C1GALT1: variants seen among roughly 807,000 people sequenced by gnomAD.
C1GALT1 encodes the protein glycoprotein-N-acetylgalactosamine 3-beta-galactosyltransferase 1.
C1GALT1 carries 11 observed loss-of-function variants against 31.0 expected under a neutral mutation model. That is an observed-to-expected ratio of 0.36 (90% CI 0.22 to 0.59). The LOEUF (loss-of-function observed/expected upper bound fraction) is 0.59. Among genes scored for constraint, C1GALT1 ranks in the 20% least tolerant of loss-of-function variants. The pLI is 0.79. For synonymous variants in C1GALT1, 175 were observed against 143.6 expected (o/e 1.22, Z -1.56); for missense variants, 424 against 425.2 (o/e 1.00, Z 0.03).
chr7:7,240,042 C>T (rs1478395520), intron 3 of C1GALT1, among the ~76,000 whole-genome samples: 1 of 152,112 alleles, frequency 6.6e-6, no homozygotes, highest in Admixed American at 6.5e-5. Context: ...TTTCTGTGGA[C>T]CTAACGTATA....
At chr7:7,236,290 ATTAT>A (rs1444966812) in intron 2 of C1GALT1, among the ~76,000 whole-genome samples, 3 of 152,144 alleles carry the variant, frequency 2.0e-5, no homozygotes, top group African/African-American at 7.2e-5. Context: ...TGAATGAAAA[ATTAT>A]TTATCAAGTT....
In C1GALT1 at chr7:7,214,932, C is replaced by G. The variant is rs147991520; in HGVS notation, c.-17-19371C>G. ...CTACAAGATTTTGACCCTCCTTAAACTGCTCTCAAGATCAGGCTTAAGATA... is the reference window on the plus strand; with the variant it reads ...CTACAAGATTTTGACCCTCCTTAAAGTGCTCTCAAGATCAGGCTTAAGATA... On this transcript the variant is annotated intron_variant, in intron 1 of 3. Transcript: ENST00000436587. Among the ~76,000 whole-genome samples, 541 of 152,332 alleles carry G rather than the reference C, an allele frequency of 3.6e-3. 6 individuals carry two copies. The highest frequency in any genetic ancestry group is 0.013 in the African/African-American group (522 of 41,576).
intron 1 of C1GALT1, among the ~76,000 whole-genome samples, chr7:7,207,851 T>G (rs1781820863): frequency 6.6e-6 from 1 of 152,048 alleles, no homozygotes; most frequent in Non-Finnish European, 1.5e-5. Flanking sequence ...TTTGTACAAT[T>G]AAGGTATTTT....
intron 1 of C1GALT1, among the ~76,000 whole-genome samples, chr7:7,219,040 T>C (rs1274001432): frequency 2.6e-5 from 4 of 152,056 alleles, no homozygotes; most frequent in African/African-American, 4.8e-5. Context: ...GGTTTCACCA[T>C]GTTAGCCAGG....
At chr7:7,242,897 T>A (rs545202200) in intron 3 of C1GALT1, among the ~76,000 whole-genome samples, 1 of 152,264 alleles carries the variant, frequency 6.6e-6, no homozygotes, top group East Asian at 1.9e-4. Context: ...CATTGTCTCC[T>A]TTAAATAACC....
At chr7:7,195,412 C>G (rs1307307077) in intron 1 of C1GALT1, among the ~76,000 whole-genome samples, 1 of 152,118 alleles carries the variant, frequency 6.6e-6, no homozygotes, top group Non-Finnish European at 1.5e-5. Flanking sequence ...AAATTTCCAC[C>G]TTGATTTCAT....
chr7:7,237,248 T>C (rs13226799), intron 2 of C1GALT1, among the ~76,000 whole-genome samples: 11,909 of 152,300 alleles, frequency 0.078, 541 homozygotes, highest in East Asian at 0.17. Context: ...GAAGTACTCA[T>C]CTAGAATCTC....
intron 1 of C1GALT1, among the ~76,000 whole-genome samples, chr7:7,183,921 G>A (rs965256282): frequency 6.6e-6 from 1 of 152,172 alleles, no homozygotes; most frequent in African/African-American, 2.4e-5. Flanking sequence ...GTGTAAGGGA[G>A]AGAAATATGT....
chr7:7,199,639 G>C (rs1369377887), intron 1 of C1GALT1, among the ~76,000 whole-genome samples: 2 of 152,198 alleles, frequency 1.3e-5, no homozygotes, highest in Admixed American at 1.3e-4. Flanking sequence ...TGACAGTGGA[G>C]TGTTAAAGTC....
chr7:7,222,413 A>T (rs1782551618), intron 1 of C1GALT1, among the ~76,000 whole-genome samples: 1 of 151,952 alleles, frequency 6.6e-6, no homozygotes, highest in Admixed American at 6.5e-5. Flanking sequence ...ACAACATTTT[A>T]TTTTTTCTAT....
chr7:7,215,673 G>T (rs373831793), intron 1 of C1GALT1, among the ~76,000 whole-genome samples: 1 of 151,860 alleles, frequency 6.6e-6, no homozygotes, highest in South Asian at 2.1e-4. Context: ...CTATTTCTTT[G>T]CCTTCCCTAT....
At chr7:7,240,657 C>A (rs1375509879) in intron 3 of C1GALT1, among the ~76,000 whole-genome samples, 1 of 152,070 alleles carries the variant, frequency 6.6e-6, no homozygotes, top group Admixed American at 6.6e-5. Flanking sequence ...TCATAATTGG[C>A]AAATTTGTTC....
At chr7:7,159,253 C>G (rs1359003484) in intron 2 of C1GALT1, among the ~76,000 whole-genome samples, 1 of 152,060 alleles carries the variant, frequency 6.6e-6, no homozygotes, top group Admixed American at 6.6e-5. Context: ...GAGTTAAGTA[C>G]TTAATTTTTA....
intron 1 of C1GALT1, among the ~76,000 whole-genome samples, chr7:7,197,500 G>A (rs560209437): frequency 6.6e-6 from 1 of 152,156 alleles, no homozygotes; most frequent in South Asian, 2.1e-4. Context: ...TGTTTTTTTG[G>A]CTTAGGATTG....
At chr7:7,163,329 G>C (rs1562550949) in intron 2 of C1GALT1, among the ~76,000 whole-genome samples, 1 of 151,996 alleles carries the variant, frequency 6.6e-6, no homozygotes, top group Non-Finnish European at 1.5e-5. Context: ...AATAATAAGA[G>C]CTATCTATGA....
intron 1 of C1GALT1, among the ~76,000 whole-genome samples, chr7:7,185,859 AT>A (rs1780789195): frequency 6.6e-6 from 1 of 152,262 alleles, no homozygotes; most frequent in Admixed American, 6.5e-5. Context: ...AATGTTTAGC[AT>A]TATAGACTGA....
At chr7:7,168,959 C>A (rs986380107) in intron 2 of C1GALT1, among the ~76,000 whole-genome samples, 1 of 152,152 alleles carries the variant, frequency 6.6e-6, no homozygotes, top group Admixed American at 6.6e-5. Context: ...GCAAACACCA[C>A]CACTATCTGT....
intron 3 of C1GALT1, among the ~76,000 whole-genome samples, chr7:7,239,444 G>A (rs1783523269): frequency 6.6e-6 from 1 of 152,142 alleles, no homozygotes; most frequent in Non-Finnish European, 1.5e-5. Flanking sequence ...GTCATCAGGA[G>A]GATTTAATGG....
chr7:7,221,691 A>G (rs1470712673), intron 1 of C1GALT1, among the ~76,000 whole-genome samples: 2 of 152,200 alleles, frequency 1.3e-5, no homozygotes, highest in Non-Finnish European at 2.9e-5. Flanking sequence ...ATCCAAACAA[A>G]GTGGTTTTTA....
Sources: allele counts gnomAD v4.1 joint callset (sites outside exome capture counted in the v4.1 genomes callset), GRCh38; gene constraint gnomAD v4.1.1; transcripts MANE v1.5; gene names NCBI Gene and HGNC (gene_info 2026-07-23, HGNC 2026-07-21).